Variants in KIF5B observed in about 807,000 individuals in gnomAD.
KIF5B encodes the protein kinesin-1 heavy chain.
In KIF5B, 49 loss-of-function variants were observed where a neutral mutation model predicts 132.8. The ratio of observed to expected loss-of-function variants is 0.37; its 90% CI spans 0.29 to 0.47. The LOEUF is 0.47. Ranked by LOEUF, KIF5B falls within the 20% of genes least tolerant of loss-of-function variation. The pLI is 1.00. For synonymous variants in KIF5B, 355 were observed against 369.4 expected, an observed-to-expected ratio of 0.96 and a Z score of 0.45; for missense variants, 780 against 1,144.0, an observed-to-expected ratio of 0.68 and a Z score of 4.59.
At position 32,034,009 on chromosome 10, in the gene KIF5B, C is replaced by A; in HGVS notation, c.1141G>T (p.Asp381Tyr). 1 of 1,594,594 alleles carries A rather than the reference C, an allele frequency of 6.3e-7. No individual in the cohort carries two copies. Among genetic ancestry groups the A allele is most frequent in the Admixed American group, 1.8e-5 (1 of 56,894 alleles). The change falls in exon 12 of 26, where the codon GAC (aspartate) becomes TAC (tyrosine). Residue 381 changes from aspartate (D) to tyrosine (Y), a missense_variant. By Grantham distance (160) the Asp-to-Tyr change is radical. Coordinates refer to ENST00000302418, the MANE Select transcript of KIF5B (RefSeq NM_004521.3). Reference sequence around the variant, plus strand: ...GCTTCCAAGTTGGCTTTCTCTTTGTCAAACTGTTCATCAATAGGCACCGTC... The same window carrying A: ...GCTTCCAAGTTGGCTTTCTCTTTGTAAAACTGTTCATCAATAGGCACCGTC... ...GETVPIDEQFDKEKANLEAFT... is the reference protein window; with the variant it reads ...GETVPIDEQFYKEKANLEAFT...
chr10:32,037,704 G>C, intron 6 of KIF5B, 97 bp from the exon 7 acceptor site: 1 of 842,428 alleles, frequency 1.2e-6, no homozygotes, highest in South Asian at 1.6e-5. Flanking sequence ...GCGGTGGCGG[G>C]TGCCTGTAAT....
Position 32,021,967 on chromosome 10 carries a change from C to T in KIF5B, c.2032+173G>A, listed in dbSNP as rs539912550. ...AGCCTGGGCAACAGAGTGAAGACGCCGTCTCAAAACAACAACAAAAAAATG... is the reference window on the plus strand; with the variant it reads ...AGCCTGGGCAACAGAGTGAAGACGCTGTCTCAAAACAACAACAAAAAAATG... On this transcript the variant is annotated intron_variant, in intron 17 of 25. Transcript: ENST00000302418. Among the ~76,000 whole-genome samples the T allele has an allele frequency of 3.9e-5, 6 of 152,076 alleles. No homozygotes were observed. The East Asian group carries it at 7.7e-4, about 20-fold the overall frequency.
chr10:32,020,723 C>G (rs1841247738), intron 19 of KIF5B, among the ~76,000 whole-genome samples: 1 of 151,976 alleles, frequency 6.6e-6, no homozygotes, highest in Non-Finnish European at 1.5e-5. Flanking sequence ...CTGCACCCAG[C>G]CAAGAATTTT....
rs1841453249 is a variant in KIF5B at position 32,035,721 on chromosome 10, T to C, written c.817-54A>G. ...AGACCAGTATAATAAAATGTTATTA[T>C]AAAATAAACTCCCAAAAGACAACTA... On this transcript the variant is annotated intron_variant, in intron 9 of 25. Coordinates refer to ENST00000302418, the MANE Select transcript of KIF5B (RefSeq NM_004521.3). The C allele has an allele frequency of 4.0e-6, 6 of 1,518,060 alleles. No individual in the cohort carries two copies. In the East Asian group the frequency reaches 9.1e-5, roughly 23 times the overall value. 94.0% of individuals were successfully genotyped at this position (1,518,060 alleles called of 1,614,324 possible).
At chr10:32,018,213 C>A (rs1841202507) in intron 22 of KIF5B, 57 bp from the exon 23 acceptor site, 1 of 1,465,006 alleles carries the variant, frequency 6.8e-7, no homozygotes, top group Middle Eastern at 1.8e-4. Flanking sequence ...CTTAACTATA[C>A]AAAAATTGAC....
At chr10:32,021,642 G>A (rs1417989028) in intron 17 of KIF5B, among the ~76,000 whole-genome samples, 1 of 151,604 alleles carries the variant, frequency 6.6e-6, no homozygotes, top group African/African-American at 2.4e-5. Context: ...CCCCAGATTG[G>A]CTATTTCCAT....
intron 1 of KIF5B, 36 bp downstream of exon 1, chr10:32,055,812 G>A (rs1841754499): frequency 3.1e-6 from 5 of 1,605,596 alleles, no homozygotes; most frequent in Non-Finnish European, 3.4e-6. Context: ...CCGGCCCGAA[G>A]AAGCGGGAGG....
At chr10:32,037,650 T>C (rs759922868) in intron 6 of KIF5B, 43 bp from the exon 7 acceptor site, 3 of 1,413,538 alleles carry the variant, frequency 2.1e-6, no homozygotes, top group African/African-American at 2.8e-5. Flanking sequence ...CTGGCCAACA[T>C]GATGAAACCC....
intron 1 of KIF5B, among the ~76,000 whole-genome samples, chr10:32,049,848 C>A (rs570456070): frequency 6.6e-6 from 1 of 151,858 alleles, no homozygotes; most frequent in South Asian, 2.1e-4. Context: ...TACTCAATGA[C>A]AAAGGTCAGA....
At chr10:32,024,076 AAC>A (rs1491564375) in intron 15 of KIF5B, among the ~76,000 whole-genome samples, 72 of 147,690 alleles carry the variant, frequency 4.9e-4, no homozygotes, top group African/African-American at 1.6e-3. Flanking sequence ...AAAAAAAAAA[AAC>A]AAGACACAGA....
intron 2 of KIF5B, among the ~76,000 whole-genome samples, chr10:32,043,086 C>T (rs1025724912): frequency 1.3e-5 from 2 of 152,166 alleles, no homozygotes; most frequent in Non-Finnish European, 2.9e-5. Flanking sequence ...TCACTGCAAC[C>T]TCCGCCTCCC....
intron 16 of KIF5B, 126 bp from the exon 17 acceptor site, chr10:32,022,383 G>A: frequency 1.7e-6 from 1 of 581,946 alleles, no homozygotes; most frequent in Non-Finnish European, 3.0e-6. Context: ...AAATATTCAG[G>A]AGCCAATTTT....
intron 2 of KIF5B, among the ~76,000 whole-genome samples, chr10:32,044,692 AAAG>A (rs912386301): frequency 3.9e-5 from 6 of 152,258 alleles, no homozygotes; most frequent in African/African-American, 1.4e-4. Context: ...AAAAAAAAAA[AAAG>A]AAGACAACGA....
intron 17 of KIF5B, among the ~76,000 whole-genome samples, chr10:32,021,885 TC>T (rs1841268737): frequency 6.6e-6 from 1 of 152,052 alleles, no homozygotes; most frequent in African/African-American, 2.4e-5. Flanking sequence ...AGCAGGAGAA[TC>T]ACTGGAACCC....
chr10:32,014,306 G>A (rs1034403081), intron 25 of KIF5B, among the ~76,000 whole-genome samples: 1 of 151,864 alleles, frequency 6.6e-6, no homozygotes, highest in African/African-American at 2.4e-5. Flanking sequence ...CAGGAGAATC[G>A]CTTCAACCTG....
At chr10:32,013,311 T>C (rs1841110237) in intron 25 of KIF5B, among the ~76,000 whole-genome samples, 1 of 152,248 alleles carries the variant, frequency 6.6e-6, no homozygotes, top group Non-Finnish European at 1.5e-5. Context: ...AGCTATTGTA[T>C]GTCTACTGAT....
chr10:32,016,811 C>T (rs211375), intron 24 of KIF5B, among the ~76,000 whole-genome samples: 30,444 of 152,212 alleles, frequency 0.2, 3,292 homozygotes, highest in Non-Finnish European at 0.24. Context: ...GTTGGGATTA[C>T]AGGCGTGAGC....
rs1460532296 is a variant in KIF5B at position 32,028,530 on chromosome 10, C to G, written c.1623G>C (p.Lys541Asn). The G allele has an allele frequency of 6.2e-7, 1 of 1,613,810 alleles. No homozygotes were observed. Among genetic ancestry groups the G allele is most frequent in the Non-Finnish European group, 8.5e-7 (1 of 1,179,832 alleles). Reference sequence around the variant, plus strand: ...GTTTTTTCTGGTGGTTGGTCATTTCCTTAAGTTTCTGAAGCTCAGCATCTA... The same window carrying G: ...GTTTTTTCTGGTGGTTGGTCATTTCGTTAAGTTTCTGAAGCTCAGCATCTA... ...ASIDAELQKL[K>N]EMTNHQKKRA... The change falls in exon 15 of 26, where the codon AAG (lysine) becomes AAC (asparagine). Residue 541 changes from lysine to asparagine, a missense_variant. By Grantham distance (94) the Lys-to-Asn change is moderately conservative (BLOSUM62 0). This residue lies in a region of KIF5B where 471 missense variants were observed against 569.9 expected (regional missense o/e 0.83). Coordinates refer to ENST00000302418, the MANE Select transcript of KIF5B (RefSeq NM_004521.3).
At position 32,034,007 on chromosome 10, in the gene KIF5B, G is replaced by A. The variant is rs752169749; in HGVS notation, c.1143C>T (p.Asp381=). ...GETVPIDEQF[D]KEKANLEAFT... ...AAGCTTCCAAGTTGGCTTTCTCTTT[G>A]TCAAACTGTTCATCAATAGGCACCG... Residue 381 remains aspartate, a synonymous_variant, in exon 12 of 26, where the codon GAC becomes GAT. Coordinates refer to ENST00000302418, the MANE Select transcript of KIF5B (RefSeq NM_004521.3). 12 of 1,594,662 alleles carry A rather than the reference G, an allele frequency of 7.5e-6. No individual in the cohort carries two copies. The highest frequency in any genetic ancestry group is 8.5e-6 in the Non-Finnish European group (10 of 1,172,028).
Sources: gnomAD v4.1 joint callset for allele counts (sites outside exome capture counted in the v4.1 genomes callset) on GRCh38, gnomAD v4.1.1 for gene constraint, gnomAD v4.1.1 regional missense constraint, MANE v1.5 for transcripts, NCBI Gene and HGNC (gene_info 2026-07-23, HGNC 2026-07-21) for gene names.